ARL15: variants seen among roughly 807,000 people sequenced by gnomAD.
The protein encoded by ARL15 is ARF like GTPase 15, also known as ADP-ribosylation factor-like protein 15.
Under a neutral mutation model 25.2 loss-of-function variants are expected in ARL15, and 19 were observed. The observed-to-expected ratio is 0.75, with a 90% CI of 0.53 to 1.10. The LOEUF (loss-of-function observed/expected upper bound fraction) is 1.10, where lower values mean the gene tolerates loss of function less well. Among genes scored for constraint, ARL15 ranks in the 50% least tolerant of loss-of-function variants. ARL15 has a pLI of 0.00. For missense variants in ARL15, 220 were observed against 246.0 expected (o/e 0.89, Z 0.71); for synonymous variants, 94 against 86.8 (o/e 1.08, Z -0.46).
At chr5:54,165,851 G>A (rs545675697) in intron 2 of ARL15, among the ~76,000 whole-genome samples, 1 of 151,944 alleles carries the variant, frequency 6.6e-6, no homozygotes, top group South Asian at 2.1e-4. Flanking sequence ...TGGAGACCCA[G>A]GAAAGAATCA....
chr5:54,260,605 G>C (rs1282140285), intron 1 of ARL15, among the ~76,000 whole-genome samples: 2 of 152,076 alleles, frequency 1.3e-5, no homozygotes, highest in African/African-American at 4.8e-5. Context: ...ACTTAACAAA[G>C]AAATAAAAGT....
At chr5:53,950,358 G>A (rs533060844) in intron 4 of ARL15, among the ~76,000 whole-genome samples, 1 of 152,208 alleles carries the variant, frequency 6.6e-6, no homozygotes, top group African/African-American at 2.4e-5. Flanking sequence ...GAAAGACGAC[G>A]ATGTCATGAC....
chr5:54,222,874 C>T (rs1756415962), intron 1 of ARL15, among the ~76,000 whole-genome samples: 1 of 152,008 alleles, frequency 6.6e-6, no homozygotes. Context: ...CCCAAGAGTG[C>T]AGTGGCACAA....
intron 4 of ARL15, among the ~76,000 whole-genome samples, chr5:53,947,169 T>G (rs3797277): frequency 0.22 from 4,085 of 18,338 alleles, 98 homozygotes; most frequent in Middle Eastern, 0.46. Context: ...TAAATAAGGG[T>G]GTGTGTGTGT....
At chr5:54,214,409 G>A (rs1756126132) in intron 1 of ARL15, among the ~76,000 whole-genome samples, 1 of 152,060 alleles carries the variant, frequency 6.6e-6, no homozygotes, top group Admixed American at 6.6e-5. Flanking sequence ...AACTTCCTTT[G>A]AAAAATGCTG....
At chr5:54,192,271 A>G (rs1340856662) in intron 1 of ARL15, among the ~76,000 whole-genome samples, 4 of 151,684 alleles carry the variant, frequency 2.6e-5, no homozygotes, top group Admixed American at 2.6e-4. Context: ...AAGTAAAAAA[A>G]AAAAAGCCAA....
intron 4 of ARL15, among the ~76,000 whole-genome samples, chr5:54,013,958 C>T (rs965552891): frequency 6.6e-6 from 1 of 152,118 alleles, no homozygotes; most frequent in Non-Finnish European, 1.5e-5. Flanking sequence ...TGAACTCTTT[C>T]TCTAATGCAA....
chr5:54,035,726 T>C, intron 4 of ARL15, among the ~76,000 whole-genome samples: 1 of 152,326 alleles, frequency 6.6e-6, no homozygotes, highest in South Asian at 2.1e-4. Context: ...CTATTTCCAA[T>C]ACAGAGTCTA....
intron 4 of ARL15, among the ~76,000 whole-genome samples, chr5:53,961,438 C>T (rs1220015512): frequency 1.5e-5 from 2 of 133,450 alleles, no homozygotes; most frequent in African/African-American, 5.7e-5. Context: ...GTGGAGGTTG[C>T]AGTGAGCCAA....
chr5:53,983,807 C>T lies in ARL15; in HGVS notation c.463-97094G>A, dbSNP rs566630552. On this transcript the variant is annotated intron_variant, in intron 4 of 4. Coordinates refer to ENST00000504924, the MANE Select transcript of ARL15 (RefSeq NM_019087.3). ...TCTCACGCAGTCCTCTGCCAGACTCCGGATGATTCCCAACAATAAAACTTC... is the reference window on the plus strand; with the variant it reads ...TCTCACGCAGTCCTCTGCCAGACTCTGGATGATTCCCAACAATAAAACTTC... 5.1e-4 allele frequency among the ~76,000 whole-genome samples: 78 copies of T among 152,142 alleles called. 2 individuals are homozygous for T. Among genetic ancestry groups the T allele is most frequent in the Non-Finnish European group, 1.1e-3 (74 of 68,030 alleles).
chr5:54,094,853 C>T (rs2112157360), intron 4 of ARL15, among the ~76,000 whole-genome samples: 1 of 152,194 alleles, frequency 6.6e-6, no homozygotes, highest in South Asian at 2.1e-4. Context: ...GTTCTAGGCA[C>T]CTATATATAC....
intron 1 of ARL15, among the ~76,000 whole-genome samples, chr5:54,244,429 A>T (rs1757032232): frequency 6.6e-6 from 1 of 152,246 alleles, no homozygotes; most frequent in Non-Finnish European, 1.5e-5. Context: ...ATGGAACAGA[A>T]CTACTGAACA....
intron 4 of ARL15, among the ~76,000 whole-genome samples, chr5:53,997,860 C>A (rs1040530774): frequency 8.6e-5 from 13 of 151,964 alleles, no homozygotes; most frequent in African/African-American, 3.1e-4. Context: ...TATTTCCCAC[C>A]ATGCTGAGTC....
At chr5:53,888,810 C>G (rs906204097) in intron 4 of ARL15, among the ~76,000 whole-genome samples, 1 of 152,112 alleles carries the variant, frequency 6.6e-6, no homozygotes, top group Non-Finnish European at 1.5e-5. Flanking sequence ...GTAGGGAATC[C>G]TGGCTAAGTC....
chr5:53,931,149 G>A (rs954041895), intron 4 of ARL15, among the ~76,000 whole-genome samples: 12 of 152,058 alleles, frequency 7.9e-5, no homozygotes, highest in East Asian at 5.8e-4. Flanking sequence ...TACTATTCAC[G>A]TATGCTATTA....
chr5:53,885,981 T>C lies in ARL15; in HGVS notation c.*580A>G, dbSNP rs1164343594. On this transcript the variant is annotated 3_prime_UTR_variant, in exon 5 of 5. Transcript: ENST00000504924. ...TTGCCTCTAAGCTCTTCAGAGCCAA[T>C]TTTACTATGGCAGGATATTCCTTCC... The C allele has an allele frequency of 2.0e-5, 3 of 152,042 alleles. No homozygotes were observed. Among genetic ancestry groups the C allele is most frequent in the African/African-American group, 7.2e-5 (3 of 41,410 alleles). 9.4% of individuals were successfully genotyped at this position (152,042 alleles called of 1,614,324 possible).
intron 1 of ARL15, among the ~76,000 whole-genome samples, chr5:54,245,638 A>AG (rs1359597959): frequency 1.3e-5 from 2 of 151,952 alleles, no homozygotes; most frequent in Non-Finnish European, 2.9e-5. Context: ...TCCAGGCTAG[A>AG]GTGCACTGGC....
chr5:53,964,849 T>C (rs697112), intron 4 of ARL15, among the ~76,000 whole-genome samples: 72,402 of 152,064 alleles, frequency 0.48, 17,468 homozygotes, highest in Admixed American at 0.56. Flanking sequence ...GAGGAGTACC[T>C]TGTTACAAGT....
chr5:54,292,519 T>C (rs1388421574), intron 1 of ARL15, among the ~76,000 whole-genome samples: 2 of 152,174 alleles, frequency 1.3e-5, no homozygotes, highest in Non-Finnish European at 2.9e-5. Context: ...AGGTGAGCTA[T>C]AGACCCTCGT....
Sources: allele counts gnomAD v4.1 joint callset (sites outside exome capture counted in the v4.1 genomes callset), GRCh38; gene constraint gnomAD v4.1.1; transcripts MANE v1.5; gene names NCBI Gene and HGNC (gene_info 2026-07-23, HGNC 2026-07-21).